KAT6A: variants seen among roughly 807,000 people sequenced by gnomAD.
The protein encoded by KAT6A is lysine acetyltransferase 6A.
In KAT6A, 9 loss-of-function variants were observed where a neutral mutation model predicts 198.4. That is an observed-to-expected ratio of 0.05 (90% confidence interval 0.03 to 0.08). The LOEUF (loss-of-function observed/expected upper bound fraction) is 0.08, where lower values mean the gene tolerates loss of function less well. KAT6A is among the 10% of genes least tolerant of loss of function. The pLI is 1.00. For synonymous variants in KAT6A, 890 were observed against 883.0 expected (o/e 1.01, Z -0.14); for missense variants, 2,077 against 2,509.9 (o/e 0.83, Z 3.69).
intron 12 of KAT6A, among the ~76,000 whole-genome samples, chr8:41,944,586 G>T (rs968309899): frequency 2.6e-5 from 4 of 152,190 alleles, no homozygotes; most frequent in Non-Finnish European, 4.4e-5. Flanking sequence ...CGAAAATGGA[G>T]ATGGCAGAGA....
At chr8:42,023,673 G>C (rs759192499) in intron 2 of KAT6A, among the ~76,000 whole-genome samples, 2 of 151,758 alleles carry the variant, frequency 1.3e-5, no homozygotes, top group African/African-American at 4.8e-5. Context: ...TTTTTGTAAA[G>C]ACGGGGTTTT....
At chr8:41,990,142 T>C (rs1824858567) in intron 2 of KAT6A, among the ~76,000 whole-genome samples, 1 of 151,804 alleles carries the variant, frequency 6.6e-6, no homozygotes, top group Non-Finnish European at 1.5e-5. Flanking sequence ...GCCTCTAAGG[T>C]ACAACTGGGA....
intron 2 of KAT6A, among the ~76,000 whole-genome samples, chr8:42,033,720 C>A (rs1827241463): frequency 6.6e-6 from 1 of 152,182 alleles, no homozygotes; most frequent in Admixed American, 6.5e-5. Context: ...GTATTTATTA[C>A]AGAGACGATG....
chr8:41,960,155 G>C (rs1823127814), intron 8 of KAT6A, among the ~76,000 whole-genome samples: 2 of 151,922 alleles, frequency 1.3e-5, no homozygotes, highest in African/African-American at 4.8e-5. Flanking sequence ...GGGTAGGGGT[G>C]GGGGGTTGGG....
intron 2 of KAT6A, among the ~76,000 whole-genome samples, chr8:41,988,320 G>A (rs1824731622): frequency 6.6e-6 from 1 of 152,180 alleles, no homozygotes; most frequent in Non-Finnish European, 1.5e-5. Flanking sequence ...AGCTAGATAA[G>A]TTCGTGAAGA....
At chr8:41,999,119 T>C (rs984706053) in intron 2 of KAT6A, among the ~76,000 whole-genome samples, 7 of 152,182 alleles carry the variant, frequency 4.6e-5, no homozygotes, top group Admixed American at 1.3e-4. Context: ...ATGTAGATTA[T>C]TGGAAATTCA....
At chr8:42,001,048 G>A (rs572214808) in intron 2 of KAT6A, among the ~76,000 whole-genome samples, 1 of 152,312 alleles carries the variant, frequency 6.6e-6, no homozygotes, top group Admixed American at 6.5e-5. Flanking sequence ...AGGCTTTACA[G>A]GTAGAAAATG....
In KAT6A at chr8:41,949,372, G is replaced by A. The variant is rs74337152; in HGVS notation, c.1599-9C>T. 8,372 of 1,474,696 alleles carry A rather than the reference G, an allele frequency of 5.7e-3. 36 individuals carry two copies. The highest frequency in any genetic ancestry group is 8.3e-3 in the Middle Eastern group (46 of 5,516). The allele number at this position is 1,474,696 out of a possible 1,614,324, so 91.4% of individuals were successfully genotyped here. On this transcript the variant is annotated splice_polypyrimidine_tract_variant and intron_variant, in intron 9 of 16. Transcript: ENST00000265713. The stretch of plus-strand genomic sequence containing the variant: ...GATACAATTTGGGCAGCCTGTAAAC[G>A]ATAATTAAACAAAAAAGACAGGGCT...
At chr8:42,007,606 T>C (rs1354615652) in intron 2 of KAT6A, among the ~76,000 whole-genome samples, 1 of 152,076 alleles carries the variant, frequency 6.6e-6, no homozygotes, top group Non-Finnish European at 1.5e-5. Flanking sequence ...AGAGATGAAG[T>C]TGAGTTAACT....
chr8:41,937,610 A>G (rs752436044), intron 15 of KAT6A, 42 bp from the exon 16 acceptor site: 1 of 1,431,432 alleles, frequency 7.0e-7, no homozygotes, highest in Admixed American at 2.2e-5. Flanking sequence ...TATGAACACT[A>G]TCTTTTCTAT....
chr8:42,045,238 C>G (rs1034558305), intron 2 of KAT6A, among the ~76,000 whole-genome samples: 11 of 152,180 alleles, frequency 7.2e-5, no homozygotes, highest in African/African-American at 2.7e-4. Flanking sequence ...GAAACAAACT[C>G]TATTTTCCAA....
intron 2 of KAT6A, among the ~76,000 whole-genome samples, chr8:42,028,197 T>C (rs574489867): frequency 1.6e-4 from 25 of 152,214 alleles, no homozygotes; most frequent in Non-Finnish European, 3.7e-4. Flanking sequence ...ATGAGAAGAA[T>C]GTGTATTCTC....
intron 12 of KAT6A, among the ~76,000 whole-genome samples, chr8:41,944,523 T>C (rs895090461): frequency 3.9e-5 from 6 of 152,226 alleles, no homozygotes; most frequent in South Asian, 4.2e-4. Flanking sequence ...TCCTCTATAG[T>C]GCACAACTCT....
intron 7 of KAT6A, 46 bp downstream of exon 7, chr8:41,976,962 C>A: frequency 7.2e-7 from 1 of 1,396,030 alleles, no homozygotes; most frequent in Non-Finnish European, 9.8e-7. Context: ...CCGAATAATA[C>A]ATGTACAGAA....
chr8:41,991,778 T>G (rs1473460546), intron 2 of KAT6A, among the ~76,000 whole-genome samples: 2 of 151,666 alleles, frequency 1.3e-5, no homozygotes, highest in African/African-American at 4.8e-5. Context: ...CTGACAGCAC[T>G]CAGAACGTGG....
intron 2 of KAT6A, among the ~76,000 whole-genome samples, chr8:41,987,856 A>C (rs939767683): frequency 1.3e-5 from 2 of 152,246 alleles, no homozygotes; most frequent in Non-Finnish European, 2.9e-5. Context: ...CAAACCCTTA[A>C]GATTGAAAAA....
rs565677716 is a variant in KAT6A, at chr8:41,984,156, T to C, written c.710-2202A>G. 1.3e-4 allele frequency among the ~76,000 whole-genome samples: 20 copies of C among 152,360 alleles called. 1 individual carries two copies. The South Asian group carries it at 3.7e-3, about 28-fold the overall frequency. On this transcript the variant is annotated intron_variant, in intron 3 of 16. Coordinates refer to ENST00000265713, the MANE Select transcript of KAT6A (RefSeq NM_006766.5). ...CTATTGTGACAGCCAGTCTCCAGGC[T>C]GCTCCCTAGGCATTCTTGCCTCCTG...
At chr8:41,975,935 C>T (rs898664682) in intron 7 of KAT6A, among the ~76,000 whole-genome samples, 4 of 152,128 alleles carry the variant, frequency 2.6e-5, no homozygotes, top group Non-Finnish European at 5.9e-5. Flanking sequence ...TTAATCTAAA[C>T]GGATTGCATA....
At chr8:41,989,555 C>T (rs1406747480) in intron 2 of KAT6A, among the ~76,000 whole-genome samples, 1 of 151,722 alleles carries the variant, frequency 6.6e-6, no homozygotes. Context: ...CGTGACGTGA[C>T]GTGACGTAAC....
Sources: allele counts gnomAD v4.1 joint callset (sites outside exome capture counted in the v4.1 genomes callset), GRCh38; gene constraint gnomAD v4.1.1; transcripts MANE v1.5; gene names NCBI Gene and HGNC (gene_info 2026-07-23, HGNC 2026-07-21).